Variants in CLMN observed in about 807,000 individuals in gnomAD.
CLMN encodes calmin (calponin-like, transmembrane).
A neutral mutation model predicts 92.7 loss-of-function variants in CLMN; 57 were observed. That is an observed-to-expected ratio of 0.61 (90% CI 0.50 to 0.77). The LOEUF is 0.77. Ranked by LOEUF, CLMN falls within the 30% of genes least tolerant of loss-of-function variation. The probability of loss-of-function intolerance (pLI) is 0.00; values close to 1 mark genes in which losing one functional copy is unlikely to be tolerated. For missense variants in CLMN, 1,158 were observed against 1,237.5 expected (o/e 0.94, Z 0.96); for synonymous variants, 466 against 470.6 (o/e 0.99, Z 0.13).
rs1240870501 is a variant in CLMN at position 95,294,035 on chromosome 14, G to C, written c.82+25676C>G. On this transcript the variant is annotated intron_variant, in intron 1 of 12. Coordinates refer to ENST00000298912, the MANE Select transcript of CLMN (RefSeq NM_024734.4). The surrounding 1 kb of genome is among the most constrained non-coding windows in gnomAD (Gnocchi z 4.2). ...TGACACCAAAGAGGAGGAGGAGGAG[G>C]AGGAGGCCAGAAGTCTGGCTGGAGG... Among the ~76,000 whole-genome samples, 1 of 152,126 alleles carries C rather than the reference G, an allele frequency of 6.6e-6. No homozygotes were observed. The highest frequency in any genetic ancestry group is 1.5e-5 in the Non-Finnish European group (1 of 68,024).
At chr14:95,235,075 G>C (rs1898007465) in intron 1 of CLMN, among the ~76,000 whole-genome samples, 1 of 152,066 alleles carries the variant, frequency 6.6e-6, no homozygotes, top group Admixed American at 6.6e-5. Context: ...AAAATTGCTT[G>C]ACATTTCATT....
At chr14:95,198,042 C>CTTTTTTTTTTTTT (rs1019598103) in intron 9 of CLMN, among the ~76,000 whole-genome samples, 44 of 69,938 alleles carry the variant, frequency 6.3e-4, no homozygotes, top group Non-Finnish European at 8.4e-4. Flanking sequence ...TTTTTTCTTT[C>CTTTTTTTTTTTTT]TTTTTTTTTT....
chr14:95,281,278 C>T (rs145796686), intron 1 of CLMN, among the ~76,000 whole-genome samples: 4 of 152,296 alleles, frequency 2.6e-5, no homozygotes, highest in Non-Finnish European at 4.4e-5. Context: ...CTTATGGTTC[C>T]AGCAAAGCCA....
In CLMN at chr14:95,189,184, G is replaced by A. The variant is rs1174330121; in HGVS notation, c.*2380C>T. The A allele has an allele frequency of 6.6e-6, 1 of 152,130 alleles. No homozygotes were observed. The highest frequency in any genetic ancestry group is 1.5e-5 in the Non-Finnish European group (1 of 68,024). 9.4% of individuals were successfully genotyped at this position (152,130 alleles called of 1,614,324 possible). A position where few individuals can be genotyped will look rare whatever the true frequency, so the allele number is the denominator to read the frequency against. ...AACCAAAGCACGGTATGGTAAGAGT[G>A]AAATCCTCCTCTACTGTGACAGCAA... On this transcript the variant is annotated 3_prime_UTR_variant, in exon 13 of 13. Transcript: ENST00000298912.
At chr14:95,283,967 C>T (rs762122819) in intron 1 of CLMN, among the ~76,000 whole-genome samples, 7 of 152,344 alleles carry the variant, frequency 4.6e-5, no homozygotes, top group East Asian at 1.9e-4. Flanking sequence ...CTCCAGGCCA[C>T]GTCAGAGACC....
At chr14:95,216,917 T>C (rs959124040) in intron 4 of CLMN, among the ~76,000 whole-genome samples, 2 of 152,192 alleles carry the variant, frequency 1.3e-5, no homozygotes, top group Non-Finnish European at 2.9e-5. Flanking sequence ...AAATCTGTAT[T>C]TTAGTAAGTG....
chr14:95,250,779 C>T (rs532134105), intron 1 of CLMN, among the ~76,000 whole-genome samples: 9 of 152,280 alleles, frequency 5.9e-5, no homozygotes, highest in Non-Finnish European at 1.0e-4. Context: ...AAAGAATGAA[C>T]GAATGCAGGG....
rs1171613247 is a variant in CLMN, at chr14:95,259,868, C to T, written c.83-29735G>A. ...CCACACCCACCTGGACGGCTATTCC[C>T]TTGCGCTTGGTGGCTCCTGAATATG... On this transcript the variant is annotated intron_variant, in intron 1 of 12. Coordinates refer to ENST00000298912, the MANE Select transcript of CLMN (RefSeq NM_024734.4). This position sits in a 1 kb window ranked among gnomAD's most constrained non-coding sequence, Gnocchi z 4.3. Among the ~76,000 whole-genome samples, 3 of 152,224 alleles carry T rather than the reference C, an allele frequency of 2.0e-5. No homozygotes were observed. The East Asian group carries it at 5.8e-4, about 29-fold the overall frequency.
chr14:95,297,264 T>C (rs1900845461), intron 1 of CLMN, among the ~76,000 whole-genome samples: 1 of 152,220 alleles, frequency 6.6e-6, no homozygotes, highest in Admixed American at 6.5e-5. Context: ...AAATGGCCAC[T>C]TTTGTGCAGT....
intron 1 of CLMN, among the ~76,000 whole-genome samples, chr14:95,231,605 T>C (rs936673204): frequency 1.3e-5 from 2 of 152,190 alleles, no homozygotes; most frequent in African/African-American, 4.8e-5. Context: ...TGGAGACCAC[T>C]GCCTTACAAC....
At chr14:95,287,280 T>C (rs79614801) in intron 1 of CLMN, among the ~76,000 whole-genome samples, 12,245 of 152,286 alleles carry the variant, frequency 0.08, 725 homozygotes, top group African/African-American at 0.17. Context: ...TGATGGGAAC[T>C]GTCCCCGTCA....
chr14:95,318,443 C>A (rs1901890309), intron 1 of CLMN, among the ~76,000 whole-genome samples: 2 of 152,192 alleles, frequency 1.3e-5, no homozygotes, highest in South Asian at 4.1e-4. Context: ...TTTGAGGTCA[C>A]CTCTGCCGGC....
chr14:95,203,775 A>G lies in CLMN; in HGVS notation c.1574T>C (p.Leu525Pro). Residue 525 changes from leucine (L) to proline (P), a missense_variant, in exon 9 of 13, where the codon CTT becomes CCT. By Grantham distance (98) the Leu-to-Pro change is moderately conservative (BLOSUM62 -3). Coordinates refer to ENST00000298912, the MANE Select transcript of CLMN (RefSeq NM_024734.4). ...CACAGTATTTTCTCCTGGGGGTGAAAGAGAGTGACTTTCTTCATCGTGGCG... is the reference window on the plus strand; with the variant it reads ...CACAGTATTTTCTCCTGGGGGTGAAGGAGAGTGACTTTCTTCATCGTGGCG... ...TARHDEESHSLSPPGENTVMA... is the reference protein window; with the variant it reads ...TARHDEESHSPSPPGENTVMA... The G allele has an allele frequency of 6.2e-7, 1 of 1,614,144 alleles. No individual in the cohort carries two copies. The highest frequency in any genetic ancestry group is 1.3e-5 in the African/African-American group (1 of 75,052).
chr14:95,319,691 G>A lies in CLMN; in HGVS notation c.82+20C>T. The A allele has an allele frequency of 1.3e-6, 2 of 1,587,474 alleles. No individual in the cohort carries two copies. The highest frequency in any genetic ancestry group is 1.7e-6 in the Non-Finnish European group (2 of 1,172,568). On this transcript the variant is annotated intron_variant, in intron 1 of 12. Transcript: ENST00000298912. ...CCCCCGAGCGCCCAGCCATCCCGGGGCGAGCCTGGGCTGCGTTACCTTGCA... is the reference window on the plus strand; with the variant it reads ...CCCCCGAGCGCCCAGCCATCCCGGGACGAGCCTGGGCTGCGTTACCTTGCA...
intron 6 of CLMN, among the ~76,000 whole-genome samples, chr14:95,211,394 C>CTAAT (rs1463386094): frequency 2.0e-5 from 3 of 152,104 alleles, no homozygotes; most frequent in Non-Finnish European, 4.4e-5. Flanking sequence ...TAGGGTCAAC[C>CTAAT]TAATATACAA....
chr14:95,289,409 C>T (rs1900466901), intron 1 of CLMN, among the ~76,000 whole-genome samples: 9 of 151,738 alleles, frequency 5.9e-5, no homozygotes. Context: ...ATGGGAATTG[C>T]TTGAACCTGG....
In CLMN at chr14:95,294,715, G is replaced by A. The variant is rs1315725331; in HGVS notation, c.82+24996C>T. On this transcript the variant is annotated intron_variant, in intron 1 of 12. Coordinates refer to ENST00000298912, the MANE Select transcript of CLMN (RefSeq NM_024734.4). This position sits in a 1 kb window ranked among gnomAD's most constrained non-coding sequence, Gnocchi z 4.2. ...CTTTCTCTCCCTGCCCTGTGTCCTGGGGGCAGGTCCTCCACAGGTTGTGTC... is the reference window on the plus strand; with the variant it reads ...CTTTCTCTCCCTGCCCTGTGTCCTGAGGGCAGGTCCTCCACAGGTTGTGTC... 6.6e-6 allele frequency among the ~76,000 whole-genome samples: 1 copy of A among 152,186 alleles called. No homozygotes were observed. Among genetic ancestry groups the A allele is most frequent in the African/African-American group, 2.4e-5 (1 of 41,428 alleles).
rs376579437 is a variant in CLMN, at chr14:95,319,202, C to A, written c.82+509G>T. Among the ~76,000 whole-genome samples the A allele has an allele frequency of 9.2e-5, 14 of 152,190 alleles. No individual in the cohort carries two copies. The East Asian group carries it at 1.7e-3, about 19-fold the overall frequency. ...TGGGTGCTTGCCTGACCCCACCGAT[C>A]CGATCCGCACCCCTGGCCCCGCTTT... On this transcript the variant is annotated intron_variant, in intron 1 of 12. Transcript: ENST00000298912.
chr14:95,228,681 G>C (rs1326651047), intron 2 of CLMN, among the ~76,000 whole-genome samples: 2 of 152,184 alleles, frequency 1.3e-5, no homozygotes, highest in Non-Finnish European at 2.9e-5. Context: ...TGAACCTTTT[G>C]TTTTGTTTTT....
Sources: allele counts gnomAD v4.1 joint callset (sites outside exome capture counted in the v4.1 genomes callset), GRCh38; gene constraint gnomAD v4.1.1; non-coding constraint Gnocchi (gnomAD v3.1); transcripts MANE v1.5; gene names NCBI Gene and HGNC (gene_info 2026-07-23, HGNC 2026-07-21).